The following NKAIN3 variants were observed in gnomAD, a reference collection of about 807,000 sequenced individuals.
NKAIN3 encodes sodium/potassium transporting ATPase interacting 3, also known as sodium/potassium-transporting ATPase subunit beta-1-interacting protein 3.
A neutral mutation model predicts 30.2 loss-of-function variants in NKAIN3; 25 were observed. That is an observed-to-expected ratio of 0.83 (90% CI 0.60 to 1.16). The LOEUF (loss-of-function observed/expected upper bound fraction) is 1.16, where lower values mean the gene tolerates loss of function less well. Among genes scored for constraint, NKAIN3 ranks in the 50% most tolerant of loss-of-function variants. The pLI is 0.00. For synonymous variants in NKAIN3, 91 were observed against 89.6 expected, an observed-to-expected ratio of 1.02 and a Z score of -0.09; for missense variants, 225 against 254.1, an observed-to-expected ratio of 0.89 and a Z score of 0.78.
intron 1 of NKAIN3, among the ~76,000 whole-genome samples, chr8:62,565,097 C>T (rs1170303068): frequency 6.6e-6 from 1 of 152,024 alleles, no homozygotes; most frequent in Non-Finnish European, 1.5e-5. Context: ...ATTATACATA[C>T]ACATGATTTT....
At chr8:62,997,752 C>CT (rs146814476) in intron 5 of NKAIN3, among the ~76,000 whole-genome samples, 1,791 of 112,650 alleles carry the variant, frequency 0.016, 19 homozygotes, top group African/African-American at 0.033. Flanking sequence ...GAGCTCTTTT[C>CT]TTTAAAAAAA....
chr8:62,978,564 C>T lies in NKAIN3; in HGVS notation c.*13157C>T, dbSNP rs1823998903. Reference sequence around the variant, plus strand: ...CCTCAGTAATGGCAGATACCTCTCCCCCAACCAAGCTTGAGCATCCCAGGT... The same window carrying T: ...CCTCAGTAATGGCAGATACCTCTCCTCCAACCAAGCTTGAGCATCCCAGGT... On this transcript the variant is annotated 3_prime_UTR_variant, in exon 7 of 7. Coordinates refer to ENST00000623646, the MANE Select transcript of NKAIN3 (RefSeq NM_001304533.3). The T allele has an allele frequency of 6.6e-6, 1 of 152,376 alleles. No individual in the cohort carries two copies. Among genetic ancestry groups the T allele is most frequent in the African/African-American group, 2.4e-5 (1 of 41,572 alleles). The allele number at this position is 152,376 out of a possible 1,614,324, so 9.4% of individuals were successfully genotyped here.
chr8:62,879,047 A>G lies in NKAIN3; in HGVS notation c.472-39406A>G, dbSNP rs1195830737. On this transcript the variant is annotated intron_variant, in intron 4 of 6. Coordinates refer to ENST00000623646, the MANE Select transcript of NKAIN3 (RefSeq NM_001304533.3). ...TACCCAGTAATGGGATGGCTGAGTC[A>G]AATGGTATTTCTAGTTCTAGATCCC... is the stretch of plus-strand genomic sequence containing the variant. 1.1e-4 allele frequency among the ~76,000 whole-genome samples: 17 copies of G among 152,332 alleles called. No individual in the cohort carries two copies. The South Asian group carries it at 2.5e-3, about 22-fold the overall frequency.
intron 1 of NKAIN3, among the ~76,000 whole-genome samples, chr8:62,476,263 G>C (rs1002510316): frequency 6.6e-6 from 1 of 152,148 alleles, no homozygotes; most frequent in South Asian, 2.1e-4. Context: ...GAAGTGACAA[G>C]ATAGCACATT....
chr8:62,463,642 T>A (rs1043065550), intron 1 of NKAIN3, among the ~76,000 whole-genome samples: 6 of 152,176 alleles, frequency 3.9e-5, no homozygotes, highest in Non-Finnish European at 7.3e-5. Context: ...TTTCTTTTGC[T>A]TTGTGTGTAT....
intron 5 of NKAIN3, among the ~76,000 whole-genome samples, chr8:62,998,526 C>T (rs538990189): frequency 3.3e-4 from 50 of 152,292 alleles, no homozygotes; most frequent in Admixed American, 1.1e-3. Flanking sequence ...CCACCTGCCT[C>T]GGCCTCCCAA....
At chr8:62,345,502 T>TATATAC (rs1563942782) in intron 1 of NKAIN3, among the ~76,000 whole-genome samples, 684 of 20,664 alleles carry the variant, frequency 0.033, 52 homozygotes, top group East Asian at 0.29. Context: ...CACACATATA[T>TATATAC]ACACATATAT....
intron 4 of NKAIN3, among the ~76,000 whole-genome samples, chr8:62,747,495 GA>G (rs1307503155): frequency 2.0e-5 from 3 of 152,116 alleles, no homozygotes; most frequent in South Asian, 4.1e-4. Context: ...AAGAAGGATG[GA>G]AACACCCACA....
At chr8:62,354,947 G>A (rs1299936179) in intron 1 of NKAIN3, among the ~76,000 whole-genome samples, 3 of 152,072 alleles carry the variant, frequency 2.0e-5, no homozygotes, top group African/African-American at 7.2e-5. Context: ...TCTCCTGGAG[G>A]GTGATTTATC....
rs1049873206 is a variant in NKAIN3 at position 62,968,954 on chromosome 8, T to A, written c.*3547T>A. Among the ~76,000 whole-genome samples the A allele has an allele frequency of 1.7e-4, 26 of 152,312 alleles. No homozygotes were observed. Among genetic ancestry groups the A allele is most frequent in the Admixed American group, 1.7e-3 (26 of 15,294 alleles). Reference sequence around the variant, plus strand: ...GTCTTGGGTTGTGGAATAGCACACATCAGAGAAATCTCAAACATCTCTTAG... The same window carrying A: ...GTCTTGGGTTGTGGAATAGCACACAACAGAGAAATCTCAAACATCTCTTAG... On this transcript the variant is annotated 3_prime_UTR_variant, in exon 7 of 7. Transcript: ENST00000623646.
intron 1 of NKAIN3, among the ~76,000 whole-genome samples, chr8:62,292,670 T>A (rs2129587236): frequency 6.6e-6 from 1 of 152,338 alleles, no homozygotes; most frequent in South Asian, 2.1e-4. Context: ...CTCTTAACAA[T>A]TTTTTCCTTC....
At chr8:62,619,751 T>C (rs1811567216) in intron 3 of NKAIN3, among the ~76,000 whole-genome samples, 1 of 151,960 alleles carries the variant, frequency 6.6e-6, no homozygotes, top group Non-Finnish European at 1.5e-5. Flanking sequence ...TAATGCGTGT[T>C]GGTAAAACCA....
At chr8:62,526,558 A>G (rs1333542543) in intron 1 of NKAIN3, among the ~76,000 whole-genome samples, 5 of 152,200 alleles carry the variant, frequency 3.3e-5, no homozygotes, top group Non-Finnish European at 7.3e-5. Context: ...CATGCCTCTC[A>G]GAAACCACAT....
At position 62,804,911 on chromosome 8, in the gene NKAIN3, C is replaced by A. The variant is rs1351834683; in HGVS notation, c.471+57782C>A. Reference sequence around the variant, plus strand: ...GTATATCCAGAAAACCCCATTGTCTCAGCCCAAAATCTCCTTAAACTGATA... The same window carrying A: ...GTATATCCAGAAAACCCCATTGTCTAAGCCCAAAATCTCCTTAAACTGATA... On this transcript the variant is annotated intron_variant, in intron 4 of 6. Transcript: ENST00000623646. Among the ~76,000 whole-genome samples, 3 of 152,212 alleles carry A rather than the reference C, an allele frequency of 2.0e-5. No homozygotes were observed. The East Asian group carries it at 5.8e-4, about 29-fold the overall frequency.
chr8:62,899,503 A>G (rs1821535771), intron 4 of NKAIN3, among the ~76,000 whole-genome samples: 1 of 152,194 alleles, frequency 6.6e-6, no homozygotes, highest in South Asian at 2.1e-4. Flanking sequence ...AAAGACAAAC[A>G]TCATATGTTC....
chr8:62,747,131 T>G lies in NKAIN3; in HGVS notation c.471+2T>G. The G allele has an allele frequency of 1.3e-6, 2 of 1,579,134 alleles. No individual in the cohort carries two copies. Among genetic ancestry groups the G allele is most frequent in the Non-Finnish European group, 1.7e-6 (2 of 1,149,938 alleles). On this transcript the variant is annotated splice_donor_variant, in intron 4 of 6. Coordinates refer to ENST00000623646, the MANE Select transcript of NKAIN3 (RefSeq NM_001304533.3). LOFTEE classifies it high-confidence loss of function. ...AGTGCTGTCCAAATACTACTCTCTG[T>G]AAGTGTCACTTTTGTGTCATTATCT...
intron 4 of NKAIN3, among the ~76,000 whole-genome samples, chr8:62,773,413 T>G (rs1481274965): frequency 2.0e-5 from 3 of 152,310 alleles, no homozygotes; most frequent in African/African-American, 4.8e-5. Context: ...TCCATTGATC[T>G]ATGTATCTGT....
At chr8:62,695,502 A>C (rs1411668980) in intron 3 of NKAIN3, among the ~76,000 whole-genome samples, 1 of 152,238 alleles carries the variant, frequency 6.6e-6, no homozygotes, top group Non-Finnish European at 1.5e-5. Flanking sequence ...GGAGCAAGGA[A>C]TAATACTGGG....
At chr8:62,565,356 ACGTGTGTG>A (rs1809716205) in intron 1 of NKAIN3, among the ~76,000 whole-genome samples, 1 of 127,822 alleles carries the variant, frequency 7.8e-6, no homozygotes, top group Non-Finnish European at 1.8e-5. Flanking sequence ...ACATGGGCAT[ACGTGTGTG>A]CGTGTGTGTG....
Sources: gnomAD v4.1 joint callset for allele counts (sites outside exome capture counted in the v4.1 genomes callset) on GRCh38, gnomAD v4.1.1 for gene constraint, MANE v1.5 for transcripts, NCBI Gene and HGNC (gene_info 2026-07-23, HGNC 2026-07-21) for gene names.